Variants in TRIM49C observed in about 807,000 individuals in gnomAD.
TRIM49C encodes tripartite motif containing 49C.
TRIM49C carries 6 observed loss-of-function variants against 21.4 expected under a neutral mutation model. The observed-to-expected ratio is 0.28, with a 90% CI of 0.15 to 0.55. The LOEUF (loss-of-function observed/expected upper bound fraction) is 0.55. Among genes scored for constraint, TRIM49C ranks in the 20% least tolerant of loss-of-function variants. The pLI is 0.94. For synonymous variants in TRIM49C, 57 were observed against 148.1 expected, an observed-to-expected ratio of 0.38 and a Z score of 4.47; for missense variants, 161 against 442.4, an observed-to-expected ratio of 0.36 and a Z score of 5.71.
At position 90,041,096 on chromosome 11, in the gene TRIM49C, T is replaced by C. The variant is rs1413937206; in HGVS notation, c.905T>C (p.Leu302Pro). Residue 302 changes from leucine (L) to proline (P), a missense_variant, in exon 8 of 8, where the codon CTG becomes CCG. Physicochemically the swap from Leu to Pro is moderately conservative, Grantham distance 98. This residue lies in a region of TRIM49C where 80 missense variants were observed against 314.8 expected (regional missense o/e 0.25). Transcript: ENST00000448984. ...GAAGAAGCCAACAGTGATATCTTTCTGTATGAAATTTTGAGAAGCATGTGT... is the reference window on the plus strand; with the variant it reads ...GAAGAAGCCAACAGTGATATCTTTCCGTATGAAATTTTGAGAAGCATGTGT... ...HHEEANSDIF[L>P]YEILRSMCIG... 1.3e-6 allele frequency: 2 copies of C among 1,594,164 alleles called. No homozygotes were observed. The highest frequency in any genetic ancestry group is 1.7e-6 in the Non-Finnish European group (2 of 1,167,988).
the TRIM49C span, chr11:90,073,230 AC>A: frequency 1.1e-6 from 1 of 918,970 alleles, no homozygotes; most frequent in African/African-American, 1.7e-5. Flanking sequence ...ATGTTTCCTC[AC>A]TATGTAGAGA....
In TRIM49C at chr11:90,041,320, C is replaced by G; in HGVS notation, c.1129C>G (p.Leu377Val). ...TGAGAAGATAGATGGAAAGGAGGGA[C>G]TCTTTCTTCTTGGGTGTATTAAGAA... ...QNEKIDGKEG[L>V]FLLGCIKNDI... Residue 377 changes from leucine to valine, a missense_variant, in exon 8 of 8, where the codon CTC becomes GTC. Physicochemically the swap from Leu to Val is conservative, Grantham distance 32. Transcript: ENST00000448984. 6.3e-7 allele frequency: 1 copy of G among 1,590,260 alleles called. No homozygotes were observed. The highest frequency in any genetic ancestry group is 8.6e-7 in the Non-Finnish European group (1 of 1,165,082).
At chr11:90,071,491 G>A in the TRIM49C span, among the ~76,000 whole-genome samples, 1 of 143,482 alleles carries the variant, frequency 7.0e-6, no homozygotes, top group Non-Finnish European at 1.5e-5. Flanking sequence ...TGGCAGATAG[G>A]GAGAGAGGCA....
At chr11:90,045,169 G>T (rs190242239), downstream of TRIM49C, among the ~76,000 whole-genome samples, 890 of 137,674 alleles carry the variant, frequency 6.5e-3, 134 homozygotes, top group African/African-American at 0.023. Flanking sequence ...TGCTGTTTTG[G>T]TTACTGTAGC....
downstream of TRIM49C, among the ~76,000 whole-genome samples, chr11:90,043,763 T>C (rs1177811552): frequency 1.7e-5 from 2 of 120,892 alleles, 1 homozygote; most frequent in African/African-American, 6.7e-5. Flanking sequence ...TCTGGAGATG[T>C]CTTCTCTGGA....
At chr11:90,043,153 G>C (rs550572574), downstream of TRIM49C, among the ~76,000 whole-genome samples, 5 of 143,796 alleles carry the variant, frequency 3.5e-5, no homozygotes, top group African/African-American at 1.3e-4. Context: ...GCCCAGGCAT[G>C]GTGGCACACA....
At chr11:90,063,651 T>TGA in the TRIM49C span, among the ~76,000 whole-genome samples, 8 of 126,728 alleles carry the variant, frequency 6.3e-5, no homozygotes, top group African/African-American at 8.8e-5. Flanking sequence ...TGCACTGAGC[T>TGA]GAGATCGTGC....
chr11:90,035,758 T>C, intron 3 of TRIM49C, 130 bp from the exon 4 acceptor site: 2 of 738,150 alleles, frequency 2.7e-6, no homozygotes, highest in Non-Finnish European at 3.9e-6. Flanking sequence ...GCTTCCAACC[T>C]CTGGGCTTTG....
chr11:90,057,004 A>G, the TRIM49C span, among the ~76,000 whole-genome samples: 1 of 147,876 alleles, frequency 6.8e-6, no homozygotes, highest in African/African-American at 2.6e-5. Flanking sequence ...GTAAGATGAG[A>G]TATCCACCAG....
downstream of TRIM49C, among the ~76,000 whole-genome samples, chr11:90,045,242 T>G (rs889215976): frequency 5.7e-5 from 7 of 123,480 alleles, 1 homozygote; most frequent in Non-Finnish European, 1.0e-4. Context: ...TGGCTTAGGA[T>G]TGACTTGGCT....
At chr11:90,050,101 G>A in the TRIM49C span, 17 of 107,356 alleles carry the variant, frequency 1.6e-4, 4 homozygotes, top group African/African-American at 6.6e-4. Flanking sequence ...GGTGACCGAG[G>A]CCTCTCAAAA....
the TRIM49C span, among the ~76,000 whole-genome samples, chr11:90,067,187 A>G: frequency 7.2e-6 from 1 of 139,724 alleles, no homozygotes; most frequent in South Asian, 2.5e-4. Flanking sequence ...AGATTAATAG[A>G]ATTCACAATA....
At chr11:90,072,500 G>GC in the TRIM49C span, among the ~76,000 whole-genome samples, 1 of 139,082 alleles carries the variant, frequency 7.2e-6, no homozygotes, top group African/African-American at 2.7e-5. Flanking sequence ...AATATTTCTG[G>GC]AAAGCGATAA....
the TRIM49C span, chr11:90,073,072 G>C: frequency 1.5e-6 from 1 of 660,670 alleles, no homozygotes; most frequent in Non-Finnish European, 2.7e-6. Context: ...ACTGGGAGCT[G>C]GATGTGGACA....
In TRIM49C at chr11:90,031,183, T is replaced by C. The variant is rs1471380244; in HGVS notation, c.-252T>C. On this transcript the variant is annotated 5_prime_UTR_variant, in exon 1 of 8. Coordinates refer to ENST00000448984, the MANE Select transcript of TRIM49C (RefSeq NM_001195234.1). Reference sequence around the variant, plus strand: ...CCACTGGGATCCAGCCAGCGGGGGATTTCTTTTCCTGGTGGACTGTACCCA... The same window carrying C: ...CCACTGGGATCCAGCCAGCGGGGGACTTCTTTTCCTGGTGGACTGTACCCA... 1 of 134,558 alleles carries C rather than the reference T, an allele frequency of 7.4e-6. No homozygotes were observed. The highest frequency in any genetic ancestry group is 1.6e-5 in the Non-Finnish European group (1 of 62,362). The allele number at this position is 134,558 out of a possible 1,614,324, so 8.3% of individuals were successfully genotyped here.
chr11:90,071,045 C>T, the TRIM49C span: 1 of 465,210 alleles, frequency 2.1e-6, no homozygotes, highest in Admixed American at 3.0e-5. Flanking sequence ...ATCCACCCAC[C>T]TTGGCCTCCC....
chr11:90,064,255 T>C, the TRIM49C span, among the ~76,000 whole-genome samples: 21 of 151,112 alleles, frequency 1.4e-4, no homozygotes, highest in East Asian at 2.5e-3. Flanking sequence ...ATATCTATTA[T>C]TTTTAATTTA....
the TRIM49C span, among the ~76,000 whole-genome samples, chr11:90,054,573 C>T: frequency 7.4e-6 from 1 of 134,924 alleles, no homozygotes; most frequent in Non-Finnish European, 1.6e-5. Context: ...TGTAACCAGG[C>T]TATTGATAAA....
chr11:90,069,127 CAG>C, the TRIM49C span, among the ~76,000 whole-genome samples: 1 of 136,000 alleles, frequency 7.4e-6, no homozygotes, highest in East Asian at 2.1e-4. Context: ...GTTTTTGAGA[CAG>C]AGTCTCGCTC....
Sources: gnomAD v4.1 joint callset for allele counts (sites outside exome capture counted in the v4.1 genomes callset) on GRCh38, gnomAD v4.1.1 for gene constraint, gnomAD v4.1.1 regional missense constraint, MANE v1.5 for transcripts, NCBI Gene and HGNC (gene_info 2026-07-23, HGNC 2026-07-21) for gene names.